The following DHRS11 variants were observed in gnomAD, a reference collection of about 807,000 sequenced individuals.
DHRS11 encodes the protein dehydrogenase/reductase 11.
Under a neutral mutation model 30.7 loss-of-function variants are expected in DHRS11, and 18 were observed. That is an observed-to-expected ratio of 0.59 (90% CI 0.41 to 0.87). The LOEUF (loss-of-function observed/expected upper bound fraction) is 0.87, where lower values mean the gene tolerates loss of function less well. Among genes scored for constraint, DHRS11 ranks in the 40% least tolerant of loss-of-function variants. The probability of loss-of-function intolerance (pLI) is 0.00; values close to 1 mark genes in which losing one functional copy is unlikely to be tolerated. For synonymous variants in DHRS11, 123 were observed against 139.6 expected (o/e 0.88, Z 0.84); for missense variants, 300 against 349.0 (o/e 0.86, Z 1.12).
At chr17:36,595,715 G>C (rs888400685) in intron 2 of DHRS11, among the ~76,000 whole-genome samples, 3 of 152,092 alleles carry the variant, frequency 2.0e-5, no homozygotes, top group African/African-American at 7.2e-5. Flanking sequence ...GAGCCACCAC[G>C]CCCGACCTGA....
chr17:36,598,724 C>A, intron 3 of DHRS11, 197 bp from the exon 4 acceptor site: 1 of 627,686 alleles, frequency 1.6e-6, no homozygotes, highest in Non-Finnish European at 2.7e-6. Context: ...GGATGAGTTC[C>A]AGGAAAAGGA....
At position 36,591,955 on chromosome 17, in the gene DHRS11, C is replaced by T; in HGVS notation, c.-55C>T. ...CGGCAGGAGAGCGGCCGGGCGTCAGCTCCTCGACCCCCGTGTCGGGCTAGT... is the reference window on the plus strand; with the variant it reads ...CGGCAGGAGAGCGGCCGGGCGTCAGTTCCTCGACCCCCGTGTCGGGCTAGT... On this transcript the variant is annotated 5_prime_UTR_variant, in exon 1 of 7. Coordinates refer to ENST00000618403, the MANE Select transcript of DHRS11 (RefSeq NM_024308.4). 8.2e-7 allele frequency: 1 copy of T among 1,220,858 alleles called. No homozygotes were observed. The highest frequency in any genetic ancestry group is 1.6e-5 in the African/African-American group (1 of 63,938). 75.6% of individuals were successfully genotyped at this position (1,220,858 alleles called of 1,614,324 possible).
intron 2 of DHRS11, chr17:36,597,001 C>A (rs1567842055): frequency 2.4e-6 from 1 of 413,900 alleles, no homozygotes; most frequent in Non-Finnish European, 4.9e-6. Flanking sequence ...TCCTACAGCT[C>A]CTTTCAGCTT....
chr17:36,596,457 G>A (rs2074811890), intron 2 of DHRS11: 1 of 192,336 alleles, frequency 5.2e-6, no homozygotes, highest in South Asian at 1.0e-4. Flanking sequence ...ACCACGCCCA[G>A]CTGATCTTAT....
chr17:36,597,728 G>T, intron 2 of DHRS11: 1 of 210,772 alleles, frequency 4.7e-6, no homozygotes, highest in Non-Finnish European at 9.4e-6. Context: ...TTTTGGTAAG[G>T]ATTTTGAGCA....
Position 36,592,164 on chromosome 17 carries a change from C to T in DHRS11, c.147+8C>T. 2 of 1,277,834 alleles carry T rather than the reference C, an allele frequency of 1.6e-6. No individual in the cohort carries two copies. The highest frequency in any genetic ancestry group is 3.4e-5 in the South Asian group (1 of 29,536). 79.2% of individuals were successfully genotyped at this position (1,277,834 alleles called of 1,614,324 possible). On this transcript the variant is annotated splice_region_variant and intron_variant, in intron 1 of 6. Coordinates refer to ENST00000618403, the MANE Select transcript of DHRS11 (RefSeq NM_024308.4). The surrounding 1 kb of genome is among the most constrained non-coding windows in gnomAD (Gnocchi z 4.4). ...ACTGTGGGCAACATCGAGGTGAGGC[C>T]GGGCCGAGGGCGGGGACGTCGCGGG...
chr17:36,598,694 G>T, intron 3 of DHRS11: 1 of 558,060 alleles, frequency 1.8e-6, no homozygotes. Context: ...CCAGGAGAGT[G>T]CATTCTGTCG....
Position 36,595,197 on chromosome 17 carries a change from T to C in DHRS11, c.357+17T>C, listed in dbSNP as rs2074800307. 2 of 1,612,412 alleles carry C rather than the reference T, an allele frequency of 1.2e-6. No homozygotes were observed. The highest frequency in any genetic ancestry group is 4.5e-5 in the East Asian group (2 of 44,864). On this transcript the variant is annotated intron_variant, in intron 2 of 6. Coordinates refer to ENST00000618403, the MANE Select transcript of DHRS11 (RefSeq NM_024308.4). ...ATGTTCAATGTAAGAGCTCCAAGCC[T>C]CCATCTTCCAGGTGGAGGGTGGGGA... is the stretch of plus-strand genomic sequence containing the variant.
rs535713118 is a variant in DHRS11, at chr17:36,597,793, T to C, written c.358-370T>C. 4.1e-4 allele frequency: 138 copies of C among 338,410 alleles called. 2 individuals carry two copies. The highest frequency in any genetic ancestry group is 3.0e-3 in the South Asian group (102 of 34,214). The allele number at this position is 338,410 out of a possible 1,614,324, so 21.0% of individuals were successfully genotyped here. ...CACAGAGAAGAGAAGAGTAGGGTATTTGGGGGAAGAAATGGAAATGATTCC... is the reference window on the plus strand; with the variant it reads ...CACAGAGAAGAGAAGAGTAGGGTATCTGGGGGAAGAAATGGAAATGATTCC... On this transcript the variant is annotated intron_variant, in intron 2 of 6. Transcript: ENST00000618403.
rs567061514 is a variant in DHRS11 at position 36,592,698 on chromosome 17, G to A, written c.147+542G>A. On this transcript the variant is annotated intron_variant, in intron 1 of 6. Coordinates refer to ENST00000618403, the MANE Select transcript of DHRS11 (RefSeq NM_024308.4). The surrounding 1 kb of genome is among the most constrained non-coding windows in gnomAD (Gnocchi z 4.4). The stretch of plus-strand genomic sequence containing the variant: ...CCACTCTCCTGGGGCGAACAGAGTG[G>A]GTGAAATCGGGCGGAAACCTTGAGA... Among the ~76,000 whole-genome samples, 1 of 152,326 alleles carries A rather than the reference G, an allele frequency of 6.6e-6. No homozygotes were observed. The highest frequency in any genetic ancestry group is 2.4e-5 in the African/African-American group (1 of 41,576).
intron 2 of DHRS11, chr17:36,597,927 T>C (rs1341037159): frequency 1.7e-6 from 1 of 584,540 alleles, no homozygotes; most frequent in East Asian, 2.9e-5. Context: ...TGCAGGAACT[T>C]GGGGGGTCAG....
intron 2 of DHRS11, chr17:36,596,455 C>T (rs2074811865): frequency 5.2e-6 from 1 of 191,672 alleles, no homozygotes; most frequent in South Asian, 1.0e-4. Context: ...CCACCACGCC[C>T]AGCTGATCTT....
chr17:36,600,407 G>T lies in DHRS11; in HGVS notation c.*204G>T. 1.5e-6 allele frequency: 1 copy of T among 649,638 alleles called. No homozygotes were observed. Among genetic ancestry groups the T allele is most frequent in the East Asian group, 2.7e-5 (1 of 36,596 alleles). 40.2% of individuals were successfully genotyped at this position (649,638 alleles called of 1,614,324 possible). On this transcript the variant is annotated 3_prime_UTR_variant, in exon 7 of 7. Coordinates refer to ENST00000618403, the MANE Select transcript of DHRS11 (RefSeq NM_024308.4). ...GAAAAATGGGCTGGGGAAAGGAGGT[G>T]GTGTCCCTAATTGTTTTACTTGTTA...
chr17:36,594,015 C>T (rs1212526372), intron 1 of DHRS11, among the ~76,000 whole-genome samples: 1 of 152,186 alleles, frequency 6.6e-6, no homozygotes, highest in Non-Finnish European at 1.5e-5. Flanking sequence ...TGTTCAATGG[C>T]ACCTGCCACC....
intron 2 of DHRS11, among the ~76,000 whole-genome samples, chr17:36,595,410 CTTTTTTTTTTTTTTTTT>C (rs34424724): frequency 1.9e-5 from 1 of 51,632 alleles, no homozygotes; most frequent in Non-Finnish European, 3.3e-5. Context: ...GGAGGTAGTT[CTTTTTTTTTTTTTTTTT>C]TTTTTTTTTT....
chr17:36,595,409 T>TG (rs2074802476), intron 2 of DHRS11, among the ~76,000 whole-genome samples: 2 of 129,134 alleles, frequency 1.5e-5, no homozygotes, highest in African/African-American at 6.1e-5. Context: ...TGGAGGTAGT[T>TG]CTTTTTTTTT....
chr17:36,594,957 G>A lies in DHRS11; in HGVS notation c.148-14G>A, dbSNP rs1366525870. 3 of 1,614,104 alleles carry A rather than the reference G, an allele frequency of 1.9e-6. No individual in the cohort carries two copies. The highest frequency in any genetic ancestry group is 2.5e-6 in the Non-Finnish European group (3 of 1,180,010). Reference sequence around the variant, plus strand: ...AGCTGCTCACCCCAGTCAGACCCCTGTTGGGTTTCATAGGAGCTGGCTGCT... The same window carrying A: ...AGCTGCTCACCCCAGTCAGACCCCTATTGGGTTTCATAGGAGCTGGCTGCT... On this transcript the variant is annotated splice_polypyrimidine_tract_variant and intron_variant, in intron 1 of 6. Transcript: ENST00000618403.
chr17:36,594,890 C>A, intron 1 of DHRS11, 81 bp from the exon 2 acceptor site: 6 of 1,450,948 alleles, frequency 4.1e-6, no homozygotes, highest in Admixed American at 1.8e-5. Flanking sequence ...ATGAGTGTGA[C>A]GGGGGTCGGG....
In DHRS11 at chr17:36,598,161, A is replaced by G; in HGVS notation, c.358-2A>G. 1 of 1,613,994 alleles carries G rather than the reference A, an allele frequency of 6.2e-7. No individual in the cohort carries two copies. The highest frequency in any genetic ancestry group is 8.5e-7 in the Non-Finnish European group (1 of 1,179,934). ...CACCTCATTGCCCTCCCTGGCCTGCAGGTGAACGTGCTGGCCCTCAGCATC... is the reference window on the plus strand; with the variant it reads ...CACCTCATTGCCCTCCCTGGCCTGCGGGTGAACGTGCTGGCCCTCAGCATC... On this transcript the variant is annotated splice_acceptor_variant, in intron 2 of 6. Coordinates refer to ENST00000618403, the MANE Select transcript of DHRS11 (RefSeq NM_024308.4). LOFTEE classifies it high-confidence loss of function.
Sources: gnomAD v4.1 joint callset for allele counts (sites outside exome capture counted in the v4.1 genomes callset) on GRCh38, gnomAD v4.1.1 for gene constraint, Gnocchi (gnomAD v3.1) non-coding constraint, MANE v1.5 for transcripts, NCBI Gene and HGNC (gene_info 2026-07-23, HGNC 2026-07-21) for gene names.